ERGIC1: variants seen among roughly 807,000 people sequenced by gnomAD.
The protein encoded by ERGIC1 is endoplasmic reticulum-golgi intermediate compartment 1, also known as endoplasmic reticulum-Golgi intermediate compartment protein 1.
A neutral mutation model predicts 38.3 loss-of-function variants in ERGIC1; 19 were observed. The observed-to-expected ratio is 0.50, with a 90% confidence interval of 0.35 to 0.73. The LOEUF is 0.73. Ranked by LOEUF, ERGIC1 falls within the 30% of genes least tolerant of loss-of-function variation. ERGIC1 has a pLI of 0.01. For missense variants in ERGIC1, 294 were observed against 389.2 expected, an observed-to-expected ratio of 0.76 and a Z score of 2.06; for synonymous variants, 124 against 157.6, an observed-to-expected ratio of 0.79 and a Z score of 1.60.
At chr5:172,879,208 G>T (rs967248395) in intron 1 of ERGIC1, among the ~76,000 whole-genome samples, 1 of 152,256 alleles carries the variant, frequency 6.6e-6, no homozygotes, top group African/African-American at 2.4e-5. Context: ...ATTCTGCTAT[G>T]AAAAGAAATT....
At chr5:172,862,556 C>G (rs1230953084) in intron 1 of ERGIC1, among the ~76,000 whole-genome samples, 2 of 152,162 alleles carry the variant, frequency 1.3e-5, no homozygotes, top group South Asian at 2.1e-4. Context: ...GGCTGGCCAG[C>G]CTTGACTTTT....
intron 9 of ERGIC1, among the ~76,000 whole-genome samples, chr5:172,939,278 G>A (rs1763955782): frequency 6.6e-6 from 1 of 152,224 alleles, no homozygotes; most frequent in South Asian, 2.1e-4. Context: ...TAGTGGAGAT[G>A]TGCGCCAGAC....
intron 3 of ERGIC1, among the ~76,000 whole-genome samples, chr5:172,907,125 T>A (rs1168105427): frequency 6.6e-6 from 1 of 152,050 alleles, no homozygotes; most frequent in Non-Finnish European, 1.5e-5. Flanking sequence ...TCCATTCCCA[T>A]CCCACCCCAT....
At chr5:172,893,965 A>G (rs1762651496) in intron 2 of ERGIC1, among the ~76,000 whole-genome samples, 2 of 124,680 alleles carry the variant, frequency 1.6e-5, no homozygotes, top group African/African-American at 6.1e-5. Context: ...TTAAATGTCC[A>G]TGGATGGACA....
intron 3 of ERGIC1, among the ~76,000 whole-genome samples, chr5:172,902,113 C>G (rs1323944421): frequency 1.3e-5 from 2 of 152,212 alleles, no homozygotes; most frequent in Admixed American, 6.5e-5. Flanking sequence ...CTTCCCTGGC[C>G]CCAGCATTTC....
At chr5:172,869,469 G>T (rs1217274644) in intron 1 of ERGIC1, among the ~76,000 whole-genome samples, 2 of 152,160 alleles carry the variant, frequency 1.3e-5, no homozygotes, top group East Asian at 1.9e-4. Flanking sequence ...GCTCTCTGGT[G>T]GGTCCAGGCT....
In ERGIC1 at chr5:172,837,528, A is replaced by G. The variant is rs1761065314; in HGVS notation, c.20+3095A>G. Among the ~76,000 whole-genome samples, 1 of 152,166 alleles carries G rather than the reference A, an allele frequency of 6.6e-6. No homozygotes were observed. Among genetic ancestry groups the G allele is most frequent in the African/African-American group, 2.4e-5 (1 of 41,422 alleles). On this transcript the variant is annotated intron_variant, in intron 1 of 9. Coordinates refer to ENST00000393784, the MANE Select transcript of ERGIC1 (RefSeq NM_001031711.3). This position sits in a 1 kb window ranked among gnomAD's most constrained non-coding sequence, Gnocchi z 4.3. Reference sequence around the variant, plus strand: ...TCAAGGTTGCATCTCCAGCACCTAGAACTGTGCTTGAGCCAAACTCGATCC... The same window carrying G: ...TCAAGGTTGCATCTCCAGCACCTAGGACTGTGCTTGAGCCAAACTCGATCC...
At chr5:172,876,030 G>A (rs1561713062) in intron 1 of ERGIC1, among the ~76,000 whole-genome samples, 1 of 152,348 alleles carries the variant, frequency 6.6e-6, no homozygotes, top group East Asian at 1.9e-4. Context: ...TGGGCAAGAA[G>A]CATTCCTGGG....
chr5:172,947,494 A>AC (rs1396512177), intron 9 of ERGIC1, among the ~76,000 whole-genome samples: 6 of 151,834 alleles, frequency 4.0e-5, no homozygotes, highest in Non-Finnish European at 5.9e-5. Context: ...CTTTGAGGAA[A>AC]CCCCCCTGGA....
At chr5:172,931,687 C>T (rs1763777871) in intron 7 of ERGIC1, among the ~76,000 whole-genome samples, 2 of 152,158 alleles carry the variant, frequency 1.3e-5, no homozygotes, top group African/African-American at 4.8e-5. Context: ...CCTTCCTCCC[C>T]AGAAGCTAAA....
intron 1 of ERGIC1, among the ~76,000 whole-genome samples, chr5:172,864,969 C>T (rs1332306609): frequency 1.3e-5 from 2 of 151,864 alleles, no homozygotes; most frequent in Non-Finnish European, 2.9e-5. Context: ...TGTGTATCTG[C>T]TGCAAAGCCT....
At chr5:172,865,700 A>G (rs1761840513) in intron 1 of ERGIC1, among the ~76,000 whole-genome samples, 1 of 152,140 alleles carries the variant, frequency 6.6e-6, no homozygotes, top group Non-Finnish European at 1.5e-5. Context: ...CAGGTCACAC[A>G]CGTGGAATCA....
intron 1 of ERGIC1, among the ~76,000 whole-genome samples, chr5:172,877,420 G>T (rs2113201821): frequency 8.2e-6 from 1 of 121,432 alleles, no homozygotes. Context: ...ATGTGTGTGT[G>T]TGTGTGTGTG....
intron 2 of ERGIC1, 109 bp from the exon 3 acceptor site, chr5:172,896,893 A>G (rs1762736514): frequency 2.0e-6 from 2 of 992,158 alleles, no homozygotes; most frequent in Non-Finnish European, 3.1e-6. Flanking sequence ...GTCTGTGGGC[A>G]CAGCCCCACA....
intron 9 of ERGIC1, among the ~76,000 whole-genome samples, chr5:172,948,846 C>T (rs562806130): frequency 5.3e-5 from 8 of 152,102 alleles, no homozygotes; most frequent in South Asian, 4.2e-4. Context: ...TCCAGGAGTT[C>T]GAGACCAGCC....
At chr5:172,864,090 G>A (rs1336057394) in intron 1 of ERGIC1, among the ~76,000 whole-genome samples, 1 of 151,690 alleles carries the variant, frequency 6.6e-6, no homozygotes, top group Non-Finnish European at 1.5e-5. Flanking sequence ...CTAGCTACTC[G>A]AGAGGCTGAG....
At chr5:172,894,538 C>T (rs1426764433) in intron 2 of ERGIC1, among the ~76,000 whole-genome samples, 1 of 152,090 alleles carries the variant, frequency 6.6e-6, no homozygotes, top group Admixed American at 6.5e-5. Flanking sequence ...TTCTAGTATC[C>T]CCCATGTCTC....
chr5:172,919,190 G>A (rs1427178968), intron 5 of ERGIC1, among the ~76,000 whole-genome samples: 1 of 152,202 alleles, frequency 6.6e-6, no homozygotes, highest in Non-Finnish European at 1.5e-5. Flanking sequence ...GCCGTGAAGA[G>A]AATGACGGGG....
chr5:172,849,641 A>C (rs1356643897), intron 1 of ERGIC1, among the ~76,000 whole-genome samples: 1 of 152,146 alleles, frequency 6.6e-6, no homozygotes, highest in African/African-American at 2.4e-5. Context: ...GCTCTTCTGA[A>C]TTTGAATCCC....
Sources: gnomAD v4.1 joint callset for allele counts (sites outside exome capture counted in the v4.1 genomes callset) on GRCh38, gnomAD v4.1.1 for gene constraint, Gnocchi (gnomAD v3.1) non-coding constraint, MANE v1.5 for transcripts, NCBI Gene and HGNC (gene_info 2026-07-23, HGNC 2026-07-21) for gene names.